The following PKIB variants were observed in gnomAD, a reference collection of about 807,000 sequenced individuals.
The protein encoded by PKIB is cAMP-dependent protein kinase inhibitor beta, also known as PKI-beta.
A neutral mutation model predicts 4.5 loss-of-function variants in PKIB; 2 were observed. The ratio of observed to expected loss-of-function variants is 0.44; its 90% CI spans 0.18 to 1.39. PKIB has a LOEUF of 1.39. PKIB is among the 40% of genes most tolerant of loss of function. The probability of loss-of-function intolerance (pLI) is 0.27; values close to 1 mark genes in which losing one functional copy is unlikely to be tolerated. For synonymous variants in PKIB, 38 were observed against 36.0 expected (o/e 1.06, Z -0.20); for missense variants, 94 against 92.6 (o/e 1.02, Z -0.06).
intron 2 of PKIB, among the ~76,000 whole-genome samples, chr6:122,642,779 A>G (rs1460778202): frequency 6.6e-6 from 1 of 152,184 alleles, no homozygotes; most frequent in Admixed American, 6.5e-5. Flanking sequence ...TCACTAATTA[A>G]AACATAGCCT....
At chr6:122,662,774 T>C (rs1012072279) in intron 2 of PKIB, among the ~76,000 whole-genome samples, 4 of 152,212 alleles carry the variant, frequency 2.6e-5, no homozygotes, top group African/African-American at 9.6e-5. Context: ...ACTGTCACTT[T>C]ACTAATGAGT....
intron 2 of PKIB, among the ~76,000 whole-genome samples, chr6:122,669,463 C>CT (rs200986099): frequency 3.3e-4 from 49 of 149,124 alleles, no homozygotes; most frequent in African/African-American, 1.0e-3. Flanking sequence ...TAATAACATT[C>CT]TTTTTTTTTT....
chr6:122,646,929 A>G (rs755414159), intron 2 of PKIB, among the ~76,000 whole-genome samples: 7 of 152,058 alleles, frequency 4.6e-5, no homozygotes, highest in Non-Finnish European at 5.9e-5. Context: ...TCATTTTAAT[A>G]TTTTCCACTT....
At chr6:122,657,044 A>T (rs1045185446) in intron 2 of PKIB, among the ~76,000 whole-genome samples, 4 of 152,162 alleles carry the variant, frequency 2.6e-5, no homozygotes, top group Non-Finnish European at 4.4e-5. Flanking sequence ...TGCATATTTG[A>T]GGTTTATAAC....
chr6:122,648,540 G>C (rs1463679755), intron 2 of PKIB, among the ~76,000 whole-genome samples: 1 of 152,198 alleles, frequency 6.6e-6, no homozygotes, highest in South Asian at 2.1e-4. Flanking sequence ...AACATGGTAA[G>C]ATCAGTGAAT....
At chr6:122,619,591 T>C (rs1237652818) in intron 1 of PKIB, among the ~76,000 whole-genome samples, 1 of 151,974 alleles carries the variant, frequency 6.6e-6, no homozygotes, top group Non-Finnish European at 1.5e-5. Context: ...CTTTGACTGC[T>C]CCCCCTTCAT....
chr6:122,675,254 A>G (rs1777625985), intron 3 of PKIB, 110 bp downstream of exon 3: 1 of 152,576 alleles, frequency 6.6e-6, no homozygotes, highest in South Asian at 2.1e-4. Flanking sequence ...CTGAAGTGGC[A>G]TGCAAAATTT....
At chr6:122,547,015 C>G (rs1772517430) in intron 2 of PKIB, among the ~76,000 whole-genome samples, 1 of 152,108 alleles carries the variant, frequency 6.6e-6, no homozygotes, top group African/African-American at 2.4e-5. Flanking sequence ...TTGACCCATA[C>G]AGGTCAGCTT....
At chr6:122,609,184 A>G (rs555561077), upstream of PKIB, among the ~76,000 whole-genome samples, 1 of 152,188 alleles carries the variant, frequency 6.6e-6, no homozygotes, top group Non-Finnish European at 1.5e-5. Context: ...ACAAAACAAA[A>G]TGTGCCTACA....
At chr6:122,642,647 C>A (rs1474593364) in intron 2 of PKIB, among the ~76,000 whole-genome samples, 1 of 152,220 alleles carries the variant, frequency 6.6e-6, no homozygotes, top group Non-Finnish European at 1.5e-5. Context: ...CAGACATCAT[C>A]ACTTGTCTAG....
intron 2 of PKIB, among the ~76,000 whole-genome samples, chr6:122,535,086 C>T (rs2114624456): frequency 6.6e-6 from 1 of 152,176 alleles, no homozygotes; most frequent in South Asian, 2.1e-4. Context: ...CCTGTCCTCT[C>T]TCTCTCTTCT....
Position 122,682,585 on chromosome 6 carries a change from T to G in PKIB, c.-9+7441T>G, listed in dbSNP as rs568316169. ...ACCTCAATAAATATAGTTGTAACTT[T>G]TATACCTCAGGATGTGCCATATTTT... On this transcript the variant is annotated intron_variant, in intron 3 of 4. Coordinates refer to ENST00000368452, the MANE Select transcript of PKIB (RefSeq NM_181795.3). Among the ~76,000 whole-genome samples the G allele has an allele frequency of 4.6e-5, 7 of 152,294 alleles. No individual in the cohort carries two copies. In the South Asian group the frequency reaches 1.5e-3, roughly 32 times the overall value.
chr6:122,512,201 T>TA, intron 2 of PKIB, among the ~76,000 whole-genome samples: 1 of 152,326 alleles, frequency 6.6e-6, no homozygotes, highest in East Asian at 1.9e-4. Context: ...TGCACATGTT[T>TA]AAAAAATAAG....
At chr6:122,616,718 T>C (rs988071822) in intron 1 of PKIB, among the ~76,000 whole-genome samples, 2 of 152,026 alleles carry the variant, frequency 1.3e-5, no homozygotes, top group Admixed American at 6.5e-5. Flanking sequence ...TAGTTTTTTT[T>C]TTTCTTTCTA....
chr6:122,522,770 G>A (rs573946728), intron 2 of PKIB, among the ~76,000 whole-genome samples: 22 of 152,236 alleles, frequency 1.4e-4, no homozygotes, highest in Non-Finnish European at 2.8e-4. Flanking sequence ...AGTGAGATGA[G>A]CCAGGTATCT....
chr6:122,623,211 C>T (rs1442155703), intron 1 of PKIB, among the ~76,000 whole-genome samples: 1 of 152,082 alleles, frequency 6.6e-6, no homozygotes, highest in Non-Finnish European at 1.5e-5. Flanking sequence ...CAGAAAATAA[C>T]AATTCACAAG....
At chr6:122,492,284 G>T (rs1319648020) in intron 2 of PKIB, among the ~76,000 whole-genome samples, 1 of 152,124 alleles carries the variant, frequency 6.6e-6, no homozygotes, top group African/African-American at 2.4e-5. Flanking sequence ...GTTGTTCGTG[G>T]GTAGTGTTCA....
intron 2 of PKIB, among the ~76,000 whole-genome samples, chr6:122,584,481 C>CTGTA (rs1026141675): frequency 5.3e-5 from 8 of 152,114 alleles, no homozygotes; most frequent in Admixed American, 3.9e-4. Context: ...AGTTAGAGGC[C>CTGTA]TGTAATATAC....
At chr6:122,560,126 CAGAG>C (rs1288780086) in intron 2 of PKIB, among the ~76,000 whole-genome samples, 2 of 152,056 alleles carry the variant, frequency 1.3e-5, no homozygotes, top group Non-Finnish European at 2.9e-5. Context: ...TTCCAGTTCT[CAGAG>C]AGAATGCTTT....
Sources: allele counts gnomAD v4.1 joint callset (sites outside exome capture counted in the v4.1 genomes callset), GRCh38; gene constraint gnomAD v4.1.1; transcripts MANE v1.5; gene names NCBI Gene and HGNC (gene_info 2026-07-23, HGNC 2026-07-21).